A4GALT: variants seen among roughly 807,000 people sequenced by gnomAD.
A4GALT encodes the protein alpha 1,4-galactosyltransferase (P1PK blood group), also known as lactosylceramide 4-alpha-galactosyltransferase.
For missense variants in A4GALT, 512 were observed against 486.0 expected (o/e 1.05, Z -0.50); for synonymous variants, 257 against 220.7 (o/e 1.16, Z -1.46).
intron 1 of A4GALT, among the ~76,000 whole-genome samples, chr22:42,706,984 A>C (rs1334560377): frequency 1.3e-5 from 2 of 152,184 alleles, no homozygotes; most frequent in Non-Finnish European, 2.9e-5. Flanking sequence ...AGCAATTTTC[A>C]GAATAGAAAA....
intron 1 of A4GALT, among the ~76,000 whole-genome samples, chr22:42,698,246 C>CAAAAA (rs11420129): frequency 2.2e-5 from 3 of 136,078 alleles, no homozygotes; most frequent in Admixed American, 7.3e-5. Context: ...GACTCCGTCT[C>CAAAAA]AAAAAAAAAA....
chr22:42,697,081 T>A (rs1281927239), intron 1 of A4GALT, among the ~76,000 whole-genome samples: 1 of 152,064 alleles, frequency 6.6e-6, no homozygotes, highest in Non-Finnish European at 1.5e-5. Flanking sequence ...AGGATAGGTA[T>A]GTTTTGTGTT....
intron 1 of A4GALT, among the ~76,000 whole-genome samples, chr22:42,703,259 G>GTT (rs59690136): frequency 0.37 from 48,769 of 131,480 alleles, 10,355 homozygotes; most frequent in Non-Finnish European, 0.46. Context: ...GTTTGTTTTT[G>GTT]TTTTTTTTTT....
chr22:42,705,200 A>T (rs1156359434), intron 1 of A4GALT, among the ~76,000 whole-genome samples: 1 of 152,196 alleles, frequency 6.6e-6, no homozygotes, highest in East Asian at 1.9e-4. Context: ...ACTCCAGGAA[A>T]ATTCAACTAA....
At chr22:42,696,140 G>A (rs1428444578) in intron 1 of A4GALT, among the ~76,000 whole-genome samples, 142 of 43,010 alleles carry the variant, frequency 3.3e-3, no homozygotes, top group East Asian at 5.3e-3. Flanking sequence ...AAAAAAAAAA[G>A]CCAGGCGCGG....
chr22:42,693,804 C>G lies in A4GALT; in HGVS notation c.148G>C (p.Gly50Arg). The G allele has an allele frequency of 6.2e-7, 1 of 1,603,900 alleles. No homozygotes were observed. ...WHVVGEPKEK[G>R]QLYNLPAEIP... ...TCTGCTGGCAGGTTATAGAGCTGCC[C>G]TTTCTCCTTGGGCTCTCCCACAACG... is the stretch of plus-strand genomic sequence containing the variant. Residue 50 changes from glycine (G) to arginine (R), a missense_variant, in exon 3 of 3, where the codon GGG (glycine) becomes CGG (arginine). By Grantham distance (125) the Gly-to-Arg change is moderately radical. Coordinates refer to ENST00000642412, the MANE Select transcript of A4GALT (RefSeq NM_017436.7).
chr22:42,714,744 G>A (rs1425625138), intron 1 of A4GALT, among the ~76,000 whole-genome samples: 2 of 148,938 alleles, frequency 1.3e-5, no homozygotes, highest in African/African-American at 2.5e-5. Flanking sequence ...ACTACAGGCT[G>A]GAAAAAAGAA....
chr22:42,712,735 CCT>C lies in A4GALT; in HGVS notation c.-188+8060_-188+8061del, dbSNP rs201837778. Among the ~76,000 whole-genome samples the C allele has an allele frequency of 1.7e-3, 264 of 152,214 alleles. 9 individuals carry two copies. The East Asian group carries it at 0.047, about 27-fold the overall frequency. On this transcript the variant is annotated intron_variant, in intron 1 of 2. Coordinates refer to ENST00000642412, the MANE Select transcript of A4GALT (RefSeq NM_017436.7). The stretch of plus-strand genomic sequence containing the variant: ...ACCAGGCTGGCCAACAGGGTGAAAC[CCT>C]GTCTCTACTAAAAATACAAAAATTG...
chr22:42,715,077 A>C, intron 1 of A4GALT, among the ~76,000 whole-genome samples: 1 of 145,560 alleles, frequency 6.9e-6, no homozygotes, highest in Admixed American at 6.8e-5. Flanking sequence ...TCAGAAAGAT[A>C]AGGGGAGGGT....
At chr22:42,709,238 G>T (rs1184511833) in intron 1 of A4GALT, among the ~76,000 whole-genome samples, 2 of 148,856 alleles carry the variant, frequency 1.3e-5, no homozygotes, top group African/African-American at 2.5e-5. Context: ...TTTTAGTAGA[G>T]ATGGGGTTTC....
At chr22:42,704,168 G>A (rs1288389775) in intron 1 of A4GALT, among the ~76,000 whole-genome samples, 1 of 152,066 alleles carries the variant, frequency 6.6e-6, no homozygotes, top group African/African-American at 2.4e-5. Context: ...CAGTTTTTAG[G>A]AGGAAGTAAT....
In A4GALT at chr22:42,693,917, A is replaced by T. The variant is rs776427939; in HGVS notation, c.35T>A (p.Leu12His). Residue 12 changes from leucine (L) to histidine (H), a missense_variant, in exon 3 of 3, where the codon CTC (leucine) becomes CAC (histidine). By Grantham distance (99) the Leu-to-His change is moderately conservative (BLOSUM62 -3). Transcript: ENST00000642412. Reference protein sequence around the residue: ...SKPPDLLLRLLRGAPRQRVCT... With the variant: ...SKPPDLLLRLHRGAPRQRVCT... ...GACCCGCTGCCTTGGGGCGCCCCGG[A>T]GCAGCCGCAGCAGGAGGTCGGGGGG... 2 of 1,602,542 alleles carry T rather than the reference A, an allele frequency of 1.2e-6. No individual in the cohort carries two copies. The highest frequency in any genetic ancestry group is 1.7e-6 in the Non-Finnish European group (2 of 1,175,382).
intron 1 of A4GALT, among the ~76,000 whole-genome samples, chr22:42,702,661 G>GCAGCCTTGGCTGGCACAT (rs1269632432): frequency 6.9e-6 from 1 of 145,454 alleles, no homozygotes; most frequent in Non-Finnish European, 1.5e-5. Context: ...ACCCCCAACT[G>GCAGCCTTGGCTGGCACAT]GCATGGGAGC....
chr22:42,709,560 C>CAGGT (rs1434687838), intron 1 of A4GALT, among the ~76,000 whole-genome samples: 2 of 151,958 alleles, frequency 1.3e-5, no homozygotes. Flanking sequence ...GAGGCTAAGG[C>CAGGT]AGGTGGATCA....
rs1278424289 is a variant in A4GALT, at chr22:42,705,458, C to T, written c.-187-9827G>A. Reference sequence around the variant, plus strand: ...CTCTACTGAAAATACAAAAAATTAGCTGGGCATGGTGGCGCGTGCCTGTAG... The same window carrying T: ...CTCTACTGAAAATACAAAAAATTAGTTGGGCATGGTGGCGCGTGCCTGTAG... On this transcript the variant is annotated intron_variant, in intron 1 of 2. Transcript: ENST00000642412. Among the ~76,000 whole-genome samples, 2 of 139,622 alleles carry T rather than the reference C, an allele frequency of 1.4e-5. 1 individual carries two copies. The highest frequency in any genetic ancestry group is 3.2e-5 in the Non-Finnish European group (2 of 61,788). The allele number at this position is 139,622 out of a possible 152,430, so 91.6% of individuals were successfully genotyped here.
intron 1 of A4GALT, among the ~76,000 whole-genome samples, chr22:42,699,095 CT>C (rs58488248): frequency 2.0e-5 from 3 of 149,358 alleles, no homozygotes; most frequent in African/African-American, 4.9e-5. Flanking sequence ...CCTTTACCTT[CT>C]TTTTTTTTTA....
intron 1 of A4GALT, among the ~76,000 whole-genome samples, chr22:42,716,605 A>G (rs1883990): frequency 0.21 from 31,212 of 151,956 alleles, 3,835 homozygotes; most frequent in East Asian, 0.61. Context: ...GCTGGGGGAA[A>G]GGGGTCTGTC....
At chr22:42,720,738 G>A (rs1465616934) in intron 1 of A4GALT, 59 bp downstream of exon 1, 4 of 151,106 alleles carry the variant, frequency 2.6e-5, no homozygotes, top group African/African-American at 4.9e-5. Context: ...TCCCCACTGC[G>A]AGCCGCAGGA....
At chr22:42,709,999 ACTTC>A (rs1251394365) in intron 1 of A4GALT, among the ~76,000 whole-genome samples, 1 of 152,144 alleles carries the variant, frequency 6.6e-6, no homozygotes, top group Admixed American at 6.6e-5. Context: ...ATCAATGGAC[ACTTC>A]CTTAACAAAA....
Sources: allele counts gnomAD v4.1 joint callset (sites outside exome capture counted in the v4.1 genomes callset), GRCh38; gene constraint gnomAD v4.1.1; transcripts MANE v1.5; gene names NCBI Gene and HGNC (gene_info 2026-07-23, HGNC 2026-07-21).